The following C12orf56 variants were observed in gnomAD, a reference collection of about 807,000 sequenced individuals.
C12orf56 encodes chromosome 12 open reading frame 56.
In C12orf56, 71 loss-of-function variants were observed where a neutral mutation model predicts 69.9. That is an observed-to-expected ratio of 1.02 (90% CI 0.84 to 1.24). C12orf56 has a LOEUF of 1.24. Among genes scored for constraint, C12orf56 ranks in the 50% most tolerant of loss-of-function variants. The probability of loss-of-function intolerance (pLI) is 0.00; values close to 1 mark genes in which losing one functional copy is unlikely to be tolerated. For synonymous variants in C12orf56, 276 were observed against 274.1 expected, an observed-to-expected ratio of 1.01 and a Z score of -0.07; for missense variants, 732 against 738.5, an observed-to-expected ratio of 0.99 and a Z score of 0.10.
At chr12:64,376,705 T>C (rs532329966) in intron 1 of C12orf56, among the ~76,000 whole-genome samples, 16 of 147,014 alleles carry the variant, frequency 1.1e-4, no homozygotes, top group Non-Finnish European at 1.7e-4. Flanking sequence ...AGTGAGAACA[T>C]GTGGTATTTA....
chr12:64,344,196 A>G (rs1295947625), intron 2 of C12orf56, among the ~76,000 whole-genome samples: 1 of 152,086 alleles, frequency 6.6e-6, no homozygotes, highest in Non-Finnish European at 1.5e-5. Context: ...TGGGGGAAGG[A>G]TGGGAGAAAG....
intron 4 of C12orf56, among the ~76,000 whole-genome samples, chr12:64,316,550 T>C (rs1157037809): frequency 6.6e-6 from 1 of 152,108 alleles, no homozygotes; most frequent in Non-Finnish European, 1.5e-5. Context: ...CACACCTGGC[T>C]AAGAGAACGT....
At chr12:64,323,563 T>C (rs140189253) in intron 3 of C12orf56, among the ~76,000 whole-genome samples, 1 of 136,814 alleles carries the variant, frequency 7.3e-6, no homozygotes, top group Admixed American at 7.4e-5. Flanking sequence ...TGCAAACATT[T>C]CCTTTTTTTT....
chr12:64,382,262 C>CAAAAAAA (rs55714337), intron 1 of C12orf56, among the ~76,000 whole-genome samples: 3 of 97,696 alleles, frequency 3.1e-5, no homozygotes, highest in Non-Finnish European at 4.1e-5. Flanking sequence ...ACTCTTGTCT[C>CAAAAAAA]AAAAAAAAAA....
At chr12:64,349,455 T>G (rs1430154974) in intron 2 of C12orf56, among the ~76,000 whole-genome samples, 1 of 152,100 alleles carries the variant, frequency 6.6e-6, no homozygotes, top group Non-Finnish European at 1.5e-5. Context: ...ACTGTGGAGA[T>G]TCCTTAAAGA....
intron 2 of C12orf56, among the ~76,000 whole-genome samples, chr12:64,339,319 A>C (rs991490440): frequency 3.3e-5 from 5 of 152,192 alleles, no homozygotes; most frequent in Non-Finnish European, 7.3e-5. Flanking sequence ...CCTCAGGTTT[A>C]ATAATTTGCA....
chr12:64,361,819 TCCTC>T (rs1465857900), intron 1 of C12orf56, among the ~76,000 whole-genome samples: 2 of 151,758 alleles, frequency 1.3e-5, no homozygotes, highest in African/African-American at 4.8e-5. Context: ...CGCAACCTCC[TCCTC>T]CTGGGTTCAA....
intron 9 of C12orf56, among the ~76,000 whole-genome samples, chr12:64,276,416 C>A (rs556115683): frequency 2.0e-5 from 3 of 152,280 alleles, no homozygotes; most frequent in Admixed American, 1.3e-4. Flanking sequence ...TTCCCTCTGG[C>A]CAATATCTTT....
intron 2 of C12orf56, among the ~76,000 whole-genome samples, chr12:64,346,576 T>C (rs2039145689): frequency 1.3e-5 from 2 of 152,182 alleles, no homozygotes; most frequent in South Asian, 4.1e-4. Context: ...GCATGAGTTA[T>C]TAAATCATGG....
chr12:64,354,608 C>T (rs2039280432), intron 1 of C12orf56, among the ~76,000 whole-genome samples: 1 of 151,892 alleles, frequency 6.6e-6, no homozygotes, highest in African/African-American at 2.4e-5. Context: ...CAAGCGCCTG[C>T]CACCACGCCT....
intron 3 of C12orf56, among the ~76,000 whole-genome samples, chr12:64,330,501 A>G (rs2136864174): frequency 1.3e-5 from 2 of 152,124 alleles, no homozygotes; most frequent in Middle Eastern, 6.8e-3. Flanking sequence ...CCCTCTTTAA[A>G]TCTCTTTGAA....
chr12:64,377,137 T>A (rs1357322347), intron 1 of C12orf56, among the ~76,000 whole-genome samples: 1 of 152,172 alleles, frequency 6.6e-6, no homozygotes, highest in African/African-American at 2.4e-5. Context: ...TTTCACATAT[T>A]TGTTGGCCAC....
intron 1 of C12orf56, among the ~76,000 whole-genome samples, chr12:64,380,127 AAAAAAAAC>A (rs2039698575): frequency 1.9e-5 from 1 of 53,022 alleles, no homozygotes; most frequent in African/African-American, 5.1e-5. Flanking sequence ...AAAAAAAAAA[AAAAAAAAC>A]AAAACAAACA....
rs756830124 is a variant in C12orf56, at chr12:64,284,750, T to G, written c.1224A>C (p.Ala408=). Reference sequence around the variant, plus strand: ...CTAGGGTCTGTATAATTTCAATGCATGCCCTAGAAAATAAACGATAAAAGG... The same window carrying G: ...CTAGGGTCTGTATAATTTCAATGCAGGCCCTAGAAAATAAACGATAAAAGG... ...NQSQRVDELV[A]CIEIIQTLVL... The change falls in exon 8 of 13, where the codon GCA becomes GCC. Residue 408 remains alanine (A), a synonymous_variant. Transcript: ENST00000543942. 17 of 1,593,204 alleles carry G rather than the reference T, an allele frequency of 1.1e-5. No individual in the cohort carries two copies.
chr12:64,330,875 G>A (rs1310613708), intron 3 of C12orf56, 85 bp downstream of exon 3: 1 of 1,148,300 alleles, frequency 8.7e-7, no homozygotes, highest in African/African-American at 1.6e-5. Flanking sequence ...GCCATTAGTA[G>A]AGAAAAAAAA....
chr12:64,285,888 T>A lies in C12orf56; in HGVS notation c.1220+66A>T. The stretch of plus-strand genomic sequence containing the variant: ...AACCCAGCATATATTTTGTCCAGTG[T>A]CTTCCATTTATCTTTAACACCCTAG... On this transcript the variant is annotated intron_variant, in intron 7 of 12. Coordinates refer to ENST00000543942, the MANE Select transcript of C12orf56 (RefSeq NM_001170633.2). The A allele has an allele frequency of 2.0e-6, 2 of 977,984 alleles. 1 individual carries two copies. Among genetic ancestry groups the A allele is most frequent in the South Asian group, 3.7e-5 (2 of 53,740 alleles). The allele number at this position is 977,984 out of a possible 1,614,324, so 60.6% of individuals were successfully genotyped here. A position where few individuals can be genotyped will look rare whatever the true frequency, so the allele number is the denominator to read the frequency against.
chr12:64,364,737 A>G (rs79105666), intron 1 of C12orf56, among the ~76,000 whole-genome samples: 14,250 of 152,110 alleles, frequency 0.094, 871 homozygotes, highest in Middle Eastern at 0.15. Flanking sequence ...AGCTGTGAAT[A>G]TAAAAGCGTT....
rs4491343 is a variant in C12orf56 at position 64,269,180 on chromosome 12, T to A, written c.1763+1356A>T. ...TATAAATTGGACTGTAGTTTTTTTT[T>A]AAAAAAAGACAATCTAAGGCTGTAA... On this transcript the variant is annotated intron_variant, in intron 12 of 12. Transcript: ENST00000543942. Among the ~76,000 whole-genome samples, 196 of 151,024 alleles carry A rather than the reference T, an allele frequency of 1.3e-3. 1 individual carries two copies. Among genetic ancestry groups the A allele is most frequent in the Admixed American group, 3.2e-3 (48 of 15,172 alleles).
At chr12:64,360,276 T>C (rs1188820932) in intron 1 of C12orf56, among the ~76,000 whole-genome samples, 1 of 151,190 alleles carries the variant, frequency 6.6e-6, no homozygotes, top group Admixed American at 6.6e-5. Context: ...AATACAAAAA[T>C]TAGCTGGGCA....
Sources: allele counts gnomAD v4.1 joint callset (sites outside exome capture counted in the v4.1 genomes callset), GRCh38; gene constraint gnomAD v4.1.1; transcripts MANE v1.5; gene names NCBI Gene and HGNC (gene_info 2026-07-23, HGNC 2026-07-21).